The following C4BPB variants were observed in gnomAD, a reference collection of about 807,000 sequenced individuals.
C4BPB encodes C4b-binding protein beta chain.
Under a neutral mutation model 26.6 loss-of-function variants are expected in C4BPB, and 19 were observed. The observed-to-expected ratio is 0.71, with a 90% CI of 0.50 to 1.05. C4BPB has a LOEUF of 1.05. Among genes scored for constraint, C4BPB ranks in the 50% least tolerant of loss-of-function variants. The pLI is 0.00. For synonymous variants in C4BPB, 118 were observed against 103.5 expected, an observed-to-expected ratio of 1.14 and a Z score of -0.85; for missense variants, 282 against 302.9, an observed-to-expected ratio of 0.93 and a Z score of 0.51.
chr1:207,098,089 C>T, intron 5 of C4BPB, 61 bp from the exon 6 acceptor site: 3 of 1,287,424 alleles, frequency 2.3e-6, no homozygotes, highest in East Asian at 4.6e-5. Flanking sequence ...TACACAAAAC[C>T]AGTCTCCATT....
intron 3 of C4BPB, 86 bp from the exon 4 acceptor site, chr1:207,091,558 T>C: frequency 9.3e-7 from 1 of 1,074,058 alleles, no homozygotes; most frequent in Non-Finnish European, 1.4e-6. Flanking sequence ...TTTGCTGTTT[T>C]CTCACTGAAG....
intron 4 of C4BPB, 46 bp downstream of exon 4, chr1:207,091,866 T>C (rs1684042120): frequency 6.7e-7 from 1 of 1,483,542 alleles, no homozygotes; most frequent in Non-Finnish European, 9.1e-7. Flanking sequence ...TACTGATTAG[T>C]AGTCTAAACT....
intron 4 of C4BPB, 61 bp from the exon 5 acceptor site, chr1:207,096,461 G>T (rs957419046): frequency 5.2e-6 from 5 of 960,450 alleles, no homozygotes; most frequent in Middle Eastern, 2.1e-4. Flanking sequence ...GCAATTAGGG[G>T]TGCTGTTCAT....
intron 4 of C4BPB, among the ~76,000 whole-genome samples, chr1:207,094,352 T>G (rs1026505143): frequency 6.6e-6 from 1 of 152,138 alleles, no homozygotes; most frequent in Non-Finnish European, 1.5e-5. Flanking sequence ...ACAGGCAGTT[T>G]AAGAGCACAA....
intron 4 of C4BPB, among the ~76,000 whole-genome samples, chr1:207,093,061 A>G (rs1483938673): frequency 1.3e-5 from 2 of 152,232 alleles, no homozygotes; most frequent in African/African-American, 4.8e-5. Context: ...CAAAATAAAT[A>G]TTGAAAAAAA....
rs1383457816 is a variant in C4BPB at position 207,089,519 on chromosome 1, CTT to C, written c.-11_-10del. 2 of 1,613,708 alleles carry C rather than the reference CTT, an allele frequency of 1.2e-6. No homozygotes were observed. Among genetic ancestry groups the C allele is most frequent in the Admixed American group, 3.3e-5 (2 of 60,006 alleles). ...GGTGAATTCCAGCCTGGGGAGAGGA[CTT>C]TGATCACCAGATGTTTTTTTGGTGT... On this transcript the variant is annotated 5_prime_UTR_variant, in exon 2 of 7. Coordinates refer to ENST00000367078, the MANE Select transcript of C4BPB (RefSeq NM_001017365.3).
intron 5 of C4BPB, 100 bp from the exon 6 acceptor site, chr1:207,098,050 C>A: frequency 2.3e-6 from 2 of 875,030 alleles, no homozygotes; most frequent in Non-Finnish European, 3.7e-6. Flanking sequence ...AGGTGGATTC[C>A]ATCACAGCAT....
In C4BPB at chr1:207,099,821, A is replaced by C. The variant is rs1001053280; in HGVS notation, c.651A>C (p.Glu217Asp). ...LAFQESKNLC[E>D]AMENFMQQLK... ...TTCAGGAGAGTAAGAACCTCTGCGA[A>C]GCCATGGAGAACTTTATGCAACAAT... The change falls in exon 7 of 7, where the codon GAA becomes GAC. Residue 217 changes from glutamate to aspartate, a missense_variant. Glu to Asp is a conservative substitution (Grantham distance 45). Transcript: ENST00000367078. The C allele has an allele frequency of 1.9e-6, 3 of 1,613,822 alleles. No homozygotes were observed. Among genetic ancestry groups the C allele is most frequent in the Non-Finnish European group, 2.5e-6 (3 of 1,179,906 alleles).
At chr1:207,097,796 T>G (rs1424461601) in intron 5 of C4BPB, 1 of 175,642 alleles carries the variant, frequency 5.7e-6, no homozygotes, top group Non-Finnish European at 1.2e-5. Context: ...TCTCATTTTC[T>G]ACTCCTTTTT....
intron 4 of C4BPB, chr1:207,095,829 C>G (rs966129081): frequency 2.1e-5 from 4 of 186,304 alleles, no homozygotes; most frequent in African/African-American, 9.6e-5. Context: ...CTCATGAGAT[C>G]TGGTTGTTTA....
intron 4 of C4BPB, chr1:207,096,300 G>C (rs1055816997): frequency 3.8e-6 from 2 of 524,150 alleles, no homozygotes; most frequent in African/African-American, 4.0e-5. Flanking sequence ...AGATGGGCTG[G>C]GGGAAAGCTC....
intron 1 of C4BPB, 169 bp from the exon 2 acceptor site, chr1:207,089,313 G>T: frequency 2.1e-6 from 1 of 465,484 alleles, no homozygotes; most frequent in Non-Finnish European, 3.8e-6. Flanking sequence ...TTGTATTTTT[G>T]CAGTTCCTCC....
intron 2 of C4BPB, 116 bp from the exon 3 acceptor site, chr1:207,090,192 A>G: frequency 1.3e-6 from 1 of 793,704 alleles, no homozygotes; most frequent in Non-Finnish European, 1.9e-6. Context: ...ACTTGGGAAG[A>G]GCACAGGAAT....
Position 207,090,465 on chromosome 1 carries a change from C to T in C4BPB, c.216C>T (p.Thr72=). Residue 72 remains threonine (T), a synonymous_variant, in exon 3 of 7, where the codon ACC becomes ACT. Coordinates refer to ENST00000367078, the MANE Select transcript of C4BPB (RefSeq NM_001017365.3). ...ATGCCTCTAAGGAGTGGGATAACAC[C>T]ACTACTGAGTGCCGCTGTAAGTTAG... is the stretch of plus-strand genomic sequence containing the variant. ...FCNASKEWDN[T]TTECRLGHCP... 1 of 1,610,856 alleles carries T rather than the reference C, an allele frequency of 6.2e-7. No individual in the cohort carries two copies. The highest frequency in any genetic ancestry group is 8.5e-7 in the Non-Finnish European group (1 of 1,178,496).
At chr1:207,098,418 T>C (rs1032025794) in intron 6 of C4BPB, among the ~76,000 whole-genome samples, 154 bp downstream of exon 6, 1 of 152,240 alleles carries the variant, frequency 6.6e-6, no homozygotes, top group African/African-American at 2.4e-5. Context: ...ACTCATAAAC[T>C]ATTAACTCAC....
intron 4 of C4BPB, among the ~76,000 whole-genome samples, chr1:207,092,880 C>T (rs1414926477): frequency 1.2e-4 from 18 of 152,084 alleles, no homozygotes; most frequent in Admixed American, 1.2e-3. Context: ...CCACCTCGGC[C>T]TCCTAAAGTG....
intron 4 of C4BPB, among the ~76,000 whole-genome samples, chr1:207,092,816 G>A (rs753376619): frequency 6.6e-6 from 1 of 151,588 alleles, no homozygotes; most frequent in Non-Finnish European, 1.5e-5. Context: ...TAGTAGAGAC[G>A]GGGTTTCACC....
intron 4 of C4BPB, chr1:207,096,241 C>T (rs543216757): frequency 2.7e-6 from 1 of 374,630 alleles, no homozygotes; most frequent in Non-Finnish European, 4.8e-6. Context: ...AATTTCTTTC[C>T]TTGAGCTCCT....
intron 2 of C4BPB, among the ~76,000 whole-genome samples, chr1:207,089,860 G>A (rs2102301488): frequency 6.6e-6 from 1 of 152,224 alleles, no homozygotes; most frequent in East Asian, 1.9e-4. Context: ...AAAATCCTGG[G>A]AGGTCTTACT....
Sources: gnomAD v4.1 joint callset for allele counts (sites outside exome capture counted in the v4.1 genomes callset) on GRCh38, gnomAD v4.1.1 for gene constraint, MANE v1.5 for transcripts, NCBI Gene and HGNC (gene_info 2026-07-23, HGNC 2026-07-21) for gene names.